Variants in AP1M1 observed in about 807,000 individuals in gnomAD.
The protein encoded by AP1M1 is AP-1 complex subunit mu-1.
AP1M1 carries 18 observed loss-of-function variants against 57.1 expected under a neutral mutation model. The observed-to-expected ratio is 0.32, with a 90% confidence interval of 0.22 to 0.47. The LOEUF (loss-of-function observed/expected upper bound fraction) is 0.47. AP1M1 is among the 20% of genes least tolerant of loss of function. AP1M1 has a pLI of 1.00. For synonymous variants in AP1M1, 241 were observed against 237.9 expected, an observed-to-expected ratio of 1.01 and a Z score of -0.12; for missense variants, 362 against 593.5, an observed-to-expected ratio of 0.61 and a Z score of 4.05.
intron 1 of AP1M1, 150 bp downstream of exon 1, chr19:16,198,218 C>G: frequency 1.3e-6 from 1 of 743,388 alleles, no homozygotes; most frequent in Non-Finnish European, 2.0e-6. Context: ...GAGCCCCATC[C>G]TGTTTCTGGG....
chr19:16,216,012 T>A (rs1385951304), intron 5 of AP1M1, among the ~76,000 whole-genome samples: 2 of 152,216 alleles, frequency 1.3e-5, no homozygotes, highest in Non-Finnish European at 2.9e-5. Flanking sequence ...TTTTCAGCTG[T>A]ATCAGGTCAG....
chr19:16,236,551 C>T lies in AP1M1; in HGVS notation c.*2116C>T, dbSNP rs1407501555. Reference sequence around the variant, plus strand: ...ATGGTGAAATGCAGTGGAGATGACTCCTGCGTGAAGCTGGGATCCTCGAGG... The same window carrying T: ...ATGGTGAAATGCAGTGGAGATGACTTCTGCGTGAAGCTGGGATCCTCGAGG... On this transcript the variant is annotated 3_prime_UTR_variant, in exon 12 of 12. Transcript: ENST00000291439. 6.6e-6 allele frequency: 1 copy of T among 152,152 alleles called. No individual in the cohort carries two copies. Among genetic ancestry groups the T allele is most frequent in the African/African-American group, 2.4e-5 (1 of 41,434 alleles). 9.4% of individuals were successfully genotyped at this position (152,152 alleles called of 1,614,324 possible).
intron 5 of AP1M1, among the ~76,000 whole-genome samples, chr19:16,213,202 C>G (rs1335780570): frequency 6.6e-6 from 1 of 152,148 alleles, no homozygotes; most frequent in Non-Finnish European, 1.5e-5. Flanking sequence ...TGAAATCTCC[C>G]ACTGTTATTG....
chr19:16,214,810 A>T (rs143365977), intron 5 of AP1M1, among the ~76,000 whole-genome samples: 1,807 of 151,268 alleles, frequency 0.012, 46 homozygotes, highest in African/African-American at 0.041. Context: ...GTGCAGTGGC[A>T]TGATCATGGC....
intron 4 of AP1M1, 88 bp from the exon 5 acceptor site, chr19:16,208,942 C>G (rs866851225): frequency 9.3e-6 from 14 of 1,507,250 alleles, no homozygotes; most frequent in Middle Eastern, 2.4e-4. Context: ...CCTGTACCCC[C>G]CACCCAACCC....
At chr19:16,233,439 T>C in intron 9 of AP1M1, 54 bp from the exon 10 acceptor site, 2 of 1,510,476 alleles carry the variant, frequency 1.3e-6, no homozygotes, top group Non-Finnish European at 1.8e-6. Context: ...CCAGAGCTGT[T>C]GGCTAAGCTG....
chr19:16,199,759 G>T (rs1282225372), intron 1 of AP1M1, among the ~76,000 whole-genome samples: 1 of 152,182 alleles, frequency 6.6e-6, no homozygotes, highest in Non-Finnish European at 1.5e-5. Context: ...GCTGGGTGGT[G>T]CGGTGGAATG....
Position 16,206,435 on chromosome 19 carries a change from GC to G in AP1M1, c.267+28del, listed in dbSNP as rs758149431. The G allele has an allele frequency of 2.5e-6, 4 of 1,613,140 alleles. No homozygotes were observed. In the Admixed American group the frequency reaches 6.7e-5, roughly 27 times the overall value. On this transcript the variant is annotated intron_variant, in intron 3 of 11. Transcript: ENST00000291439. The surrounding 1 kb of genome is among the most constrained non-coding windows in gnomAD (Gnocchi z 4.3). ...TGAGTCTCGCTCGGAGGGGCCGTGG[GC>G]TTGGGTGGAGGTTGTCTTGGCTCTG...
chr19:16,231,360 C>T (rs1252456862), intron 9 of AP1M1, among the ~76,000 whole-genome samples: 6 of 149,758 alleles, frequency 4.0e-5, no homozygotes, highest in Non-Finnish European at 8.9e-5. Context: ...AGATATCCTT[C>T]CCCCTTTCTT....
At position 16,227,362 on chromosome 19, in the gene AP1M1, AG is replaced by A. The variant is rs2091575800; in HGVS notation, c.674-182del. 6.6e-6 allele frequency among the ~76,000 whole-genome samples: 1 copy of A among 151,862 alleles called. No individual in the cohort carries two copies. Among genetic ancestry groups the A allele is most frequent in the Non-Finnish European group, 1.5e-5 (1 of 67,890 alleles). On this transcript the variant is annotated intron_variant, in intron 6 of 11. Coordinates refer to ENST00000291439, the MANE Select transcript of AP1M1 (RefSeq NM_032493.4). The surrounding 1 kb of genome is among the most constrained non-coding windows in gnomAD (Gnocchi z 6.2). ...CACCAGCCCTGCCCCTGGGGACCCC[AG>A]GGGTGTGAGGAGTGATGGGGCAGTT...
intron 4 of AP1M1, 32 bp downstream of exon 4, chr19:16,208,181 G>A (rs1256458612): frequency 1.9e-6 from 3 of 1,584,662 alleles, no homozygotes; most frequent in South Asian, 1.1e-5. Context: ...CTGGGGCCAG[G>A]CCTGGGCGGT....
At chr19:16,225,006 G>A (rs2091565062) in intron 5 of AP1M1, among the ~76,000 whole-genome samples, 1 of 152,150 alleles carries the variant, frequency 6.6e-6, no homozygotes, top group Non-Finnish European at 1.5e-5. Flanking sequence ...CAGGGAAGCT[G>A]TTGTGCACCA....
At chr19:16,221,435 T>A (rs536568684) in intron 5 of AP1M1, among the ~76,000 whole-genome samples, 1 of 152,388 alleles carries the variant, frequency 6.6e-6, no homozygotes, top group African/African-American at 2.4e-5. Flanking sequence ...TTGTCCCTGC[T>A]GCTGTGTCCT....
chr19:16,200,428 C>G (rs2091442197), intron 1 of AP1M1, among the ~76,000 whole-genome samples: 1 of 152,106 alleles, frequency 6.6e-6, no homozygotes, highest in Admixed American at 6.5e-5. Context: ...CACTTCAGTT[C>G]CAACCAGGAG....
At chr19:16,198,341 G>A in intron 1 of AP1M1, 1 of 229,964 alleles carries the variant, frequency 4.3e-6, no homozygotes, top group Non-Finnish European at 8.5e-6. Context: ...GCTCCCCGGC[G>A]CCGGGGCCGG....
intron 1 of AP1M1, among the ~76,000 whole-genome samples, chr19:16,198,930 C>A (rs2091436291): frequency 6.6e-6 from 1 of 152,112 alleles, no homozygotes; most frequent in Non-Finnish European, 1.5e-5. Flanking sequence ...GCCTCAGCCT[C>A]CCAAGTAGCT....
At chr19:16,199,041 C>T (rs1032563656) in intron 1 of AP1M1, among the ~76,000 whole-genome samples, 1 of 152,094 alleles carries the variant, frequency 6.6e-6, no homozygotes, top group Non-Finnish European at 1.5e-5. Context: ...CTCTTGACCT[C>T]GAGTGATCCA....
intron 10 of AP1M1, among the ~76,000 whole-genome samples, 199 bp downstream of exon 10, chr19:16,233,817 C>T (rs2279059): frequency 0.059 from 9,017 of 152,242 alleles, 596 homozygotes; most frequent in East Asian, 0.27. Context: ...AAAGCTCACT[C>T]ATTCTGCCCC....
At chr19:16,226,630 G>A in intron 6 of AP1M1, 83 bp downstream of exon 6, 1 of 1,469,622 alleles carries the variant, frequency 6.8e-7, no homozygotes, top group Admixed American at 2.2e-5. Flanking sequence ...GGTTGGGCCA[G>A]GCGGAGGAAC....
Sources: allele counts gnomAD v4.1 joint callset (sites outside exome capture counted in the v4.1 genomes callset), GRCh38; gene constraint gnomAD v4.1.1; non-coding constraint Gnocchi (gnomAD v3.1); transcripts MANE v1.5; gene names NCBI Gene and HGNC (gene_info 2026-07-23, HGNC 2026-07-21).